Variants in MYPN observed in about 807,000 individuals in gnomAD.
MYPN encodes sarcomeric protein myopalladin, 145 kDa (MYOP).
A neutral mutation model predicts 129.4 loss-of-function variants in MYPN; 63 were observed. The observed-to-expected ratio is 0.49, with a 90% CI of 0.40 to 0.60. The LOEUF (loss-of-function observed/expected upper bound fraction) is 0.60. MYPN is among the 20% of genes least tolerant of loss of function. The pLI, the probability that MYPN is intolerant of heterozygous loss-of-function variation, is 0.00. For missense variants in MYPN, 1,596 were observed against 1,635.4 expected, an observed-to-expected ratio of 0.98 and a Z score of 0.42; for synonymous variants, 629 against 600.9, an observed-to-expected ratio of 1.05 and a Z score of -0.68.
intron 1 of MYPN, among the ~76,000 whole-genome samples, chr10:68,119,541 G>T (rs1176775837): frequency 6.6e-6 from 1 of 151,854 alleles, no homozygotes; most frequent in Non-Finnish European, 1.5e-5. Flanking sequence ...CTCCTGAGTA[G>T]CTGGAATTAC....
chr10:68,155,223 C>T lies in MYPN; in HGVS notation c.1318-3263C>T, dbSNP rs116203804. 4.1e-3 allele frequency among the ~76,000 whole-genome samples: 622 copies of T among 152,094 alleles called. 7 individuals carry two copies. The highest frequency in any genetic ancestry group is 0.014 in the African/African-American group (601 of 41,528). ...AAAACAAAACAAAACAAAAAAAACC[C>T]TTCCATTTCAGCTAAGAAGAAATTA... On this transcript the variant is annotated intron_variant, in intron 6 of 19. Coordinates refer to ENST00000358913, the MANE Select transcript of MYPN (RefSeq NM_032578.4).
At chr10:68,160,930 C>T (rs2042965380) in intron 7 of MYPN, among the ~76,000 whole-genome samples, 1 of 151,882 alleles carries the variant, frequency 6.6e-6, no homozygotes, top group African/African-American at 2.4e-5. Flanking sequence ...AAGAAAAAAC[C>T]TACTCTTGAA....
chr10:68,209,671 C>CTTTTTTTTT (rs35392300), intron 19 of MYPN, among the ~76,000 whole-genome samples: 66 of 131,086 alleles, frequency 5.0e-4, no homozygotes, highest in East Asian at 9.2e-4. Context: ...GAATTCTTTT[C>CTTTTTTTTT]TTTTTTTTTT....
chr10:68,129,434 A>G (rs2042375952), intron 2 of MYPN, among the ~76,000 whole-genome samples: 2 of 152,252 alleles, frequency 1.3e-5, no homozygotes, highest in East Asian at 3.9e-4. Flanking sequence ...ACTCTAAACC[A>G]CTTGTTTTCA....
intron 1 of MYPN, among the ~76,000 whole-genome samples, chr10:68,095,263 T>C (rs1485237739): frequency 6.6e-6 from 1 of 151,498 alleles, no homozygotes; most frequent in Non-Finnish European, 1.5e-5. Flanking sequence ...GGTGGGAAGA[T>C]TGCTTGAGTC....
At chr10:68,201,791 AAAAG>A (rs2043717277) in intron 17 of MYPN, 34 bp from the exon 18 acceptor site, 2 of 1,608,662 alleles carry the variant, frequency 1.2e-6, no homozygotes, top group Non-Finnish European at 1.7e-6. Context: ...AAAAAAAAAA[AAAAG>A]AAAGAAAAAA....
intron 12 of MYPN, among the ~76,000 whole-genome samples, chr10:68,182,445 TATATAACATATATATATAAC>T (rs1564687222): frequency 9.8e-5 from 10 of 101,946 alleles, no homozygotes; most frequent in Admixed American, 2.2e-4. Context: ...ATATAACATA[TATATAACATATATATATAAC>T]ATATATACAC....
chr10:68,101,387 ATT>A (rs2041981187), upstream of MYPN, among the ~76,000 whole-genome samples: 1 of 152,198 alleles, frequency 6.6e-6, no homozygotes, highest in African/African-American at 2.4e-5. Flanking sequence ...AGTGGTTTGT[ATT>A]TCATAAGATT....
chr10:68,161,363 G>A (rs2042971636), intron 7 of MYPN, among the ~76,000 whole-genome samples: 1 of 152,054 alleles, frequency 6.6e-6, no homozygotes, highest in Non-Finnish European at 1.5e-5. Context: ...AGGCATGGTG[G>A]CACATGCCTA....
chr10:68,164,154 A>G (rs1482039936), intron 8 of MYPN, among the ~76,000 whole-genome samples: 3 of 152,194 alleles, frequency 2.0e-5, no homozygotes, highest in African/African-American at 7.2e-5. Flanking sequence ...GTGATTTTTA[A>G]TAAAGAACAG....
intron 2 of MYPN, chr10:68,135,443 G>A: frequency 1.0e-6 from 1 of 970,828 alleles, no homozygotes; most frequent in Non-Finnish European, 1.2e-6. Context: ...TTATCTTATT[G>A]TCCGATATAT....
intron 10 of MYPN, among the ~76,000 whole-genome samples, chr10:68,168,460 AATATGAGTGAC>A (rs1338575875): frequency 2.6e-5 from 4 of 152,236 alleles, no homozygotes; most frequent in African/African-American, 9.6e-5. Flanking sequence ...ATTCTAAGTC[AATATGAGTGAC>A]TGCGGCCCAG....
intron 12 of MYPN, among the ~76,000 whole-genome samples, chr10:68,177,570 C>T (rs574497113): frequency 2.0e-5 from 3 of 152,212 alleles, no homozygotes; most frequent in Non-Finnish European, 2.9e-5. Context: ...TTGCTGTCTT[C>T]GGAAATGATA....
chr10:68,140,685 G>A (rs1173369712), intron 2 of MYPN, among the ~76,000 whole-genome samples: 2 of 152,186 alleles, frequency 1.3e-5, no homozygotes, highest in Non-Finnish European at 2.9e-5. Flanking sequence ...AGACTTGAAT[G>A]TGTGGAGGTG....
intron 6 of MYPN, among the ~76,000 whole-genome samples, chr10:68,150,499 G>A (rs1477430758): frequency 6.6e-6 from 1 of 152,076 alleles, no homozygotes; most frequent in Non-Finnish European, 1.5e-5. Context: ...AATGCTCTTA[G>A]GAGGTTTAAC....
Position 68,136,511 on chromosome 10 carries a change from C to A in MYPN, c.903-6429C>A, listed in dbSNP as rs2042489462. The A allele has an allele frequency of 1.3e-5, 18 of 1,375,120 alleles. No individual in the cohort carries two copies. The South Asian group carries it at 3.0e-4, about 23-fold the overall frequency. 85.2% of individuals were successfully genotyped at this position (1,375,120 alleles called of 1,614,324 possible). A position where few individuals can be genotyped will look rare whatever the true frequency, so the allele number is the denominator to read the frequency against. Reference sequence around the variant, plus strand: ...TCAGCATAGCAGGGTAAATTTAATACCTTTTCAGAAGCCAGCCTGATCCCT... The same window carrying A: ...TCAGCATAGCAGGGTAAATTTAATAACTTTTCAGAAGCCAGCCTGATCCCT... On this transcript the variant is annotated intron_variant, in intron 2 of 19. Coordinates refer to ENST00000358913, the MANE Select transcript of MYPN (RefSeq NM_032578.4).
intron 1 of MYPN, among the ~76,000 whole-genome samples, chr10:68,095,065 A>T (rs371716664): frequency 6.6e-6 from 1 of 152,162 alleles, no homozygotes; most frequent in Non-Finnish European, 1.5e-5. Flanking sequence ...TTTAAAAGCA[A>T]TGAAGAAGAT....
At chr10:68,121,050 G>A (rs1426956389) in intron 1 of MYPN, among the ~76,000 whole-genome samples, 1 of 152,204 alleles carries the variant, frequency 6.6e-6, no homozygotes, top group African/African-American at 2.4e-5. Context: ...AGGCTGAGGT[G>A]AGCGGATCAC....
chr10:68,182,452 C>CAT (rs200132334), intron 12 of MYPN, among the ~76,000 whole-genome samples: 36,198 of 115,338 alleles, frequency 0.31, 6,980 homozygotes, highest in East Asian at 0.69. Flanking sequence ...ATATATATAA[C>CAT]ATATATATAT....
Sources: gnomAD v4.1 joint callset for allele counts (sites outside exome capture counted in the v4.1 genomes callset) on GRCh38, gnomAD v4.1.1 for gene constraint, MANE v1.5 for transcripts, NCBI Gene and HGNC (gene_info 2026-07-23, HGNC 2026-07-21) for gene names.